Variants in IL7 observed in about 807,000 individuals in gnomAD.
The protein encoded by IL7 is interleukin 7.
IL7 carries 3 observed loss-of-function variants against 21.6 expected under a neutral mutation model. The ratio of observed to expected loss-of-function variants is 0.14; its 90% CI spans 0.06 to 0.36. The LOEUF (loss-of-function observed/expected upper bound fraction) is 0.36, where lower values mean the gene tolerates loss of function less well. Among genes scored for constraint, IL7 ranks in the 10% least tolerant of loss-of-function variants. The probability of loss-of-function intolerance (pLI) is 1.00; values close to 1 mark genes in which losing one functional copy is unlikely to be tolerated. For missense variants in IL7, 175 were observed against 200.2 expected, an observed-to-expected ratio of 0.87 and a Z score of 0.76; for synonymous variants, 62 against 68.1, an observed-to-expected ratio of 0.91 and a Z score of 0.44.
At chr8:78,790,687 A>G (rs1376155647) in intron 2 of IL7, among the ~76,000 whole-genome samples, 3 of 152,126 alleles carry the variant, frequency 2.0e-5, no homozygotes, top group Non-Finnish European at 2.9e-5. Context: ...ATTTTAAAAT[A>G]AAGAAAAAAT....
intron 3 of IL7, among the ~76,000 whole-genome samples, chr8:78,694,307 A>G (rs1336120194): frequency 1.4e-5 from 2 of 147,074 alleles, no homozygotes; most frequent in South Asian, 2.1e-4. Context: ...TTTCTCATTC[A>G]GTTTCCTTAT....
chr8:78,690,119 G>A (rs1301851295), intron 3 of IL7, among the ~76,000 whole-genome samples: 1 of 152,142 alleles, frequency 6.6e-6, no homozygotes, highest in Non-Finnish European at 1.5e-5. Flanking sequence ...ATAAATGTAT[G>A]GGTTTATTTC....
At chr8:78,792,957 A>G (rs531598235) in intron 2 of IL7, among the ~76,000 whole-genome samples, 49 of 152,306 alleles carry the variant, frequency 3.2e-4, no homozygotes, top group Non-Finnish European at 6.3e-4. Flanking sequence ...TTGCATAGCC[A>G]AACAATGGAA....
intron 3 of IL7, chr8:78,689,154 C>T: frequency 8.2e-7 from 1 of 1,215,958 alleles, no homozygotes. Context: ...TGCATAGAAA[C>T]TTAAGATTTT....
At chr8:78,757,576 A>G (rs1292022643) in intron 2 of IL7, among the ~76,000 whole-genome samples, 1 of 151,922 alleles carries the variant, frequency 6.6e-6, no homozygotes, top group Non-Finnish European at 1.5e-5. Context: ...TCCAGTGTTG[A>G]GTCCATATAT....
intron 4 of IL7, among the ~76,000 whole-genome samples, chr8:78,737,229 C>T (rs1002354759): frequency 1.3e-5 from 2 of 151,990 alleles, no homozygotes; most frequent in Non-Finnish European, 2.9e-5. Flanking sequence ...ATCAGTTTTC[C>T]GTTTTACACT....
intron 4 of IL7, among the ~76,000 whole-genome samples, chr8:78,681,484 A>C (rs1809776687): frequency 6.6e-6 from 1 of 152,196 alleles, no homozygotes; most frequent in African/African-American, 2.4e-5. Flanking sequence ...CTGACGTTTA[A>C]GATTTTTGCA....
In IL7 at chr8:78,768,469, G is replaced by C. The variant is rs531552223; in HGVS notation, c.148-28387C>G. Among the ~76,000 whole-genome samples, 823 of 147,842 alleles carry C rather than the reference G, an allele frequency of 5.6e-3. 6 individuals are homozygous for C. Among genetic ancestry groups the C allele is most frequent in the African/African-American group, 0.019 (768 of 40,096 alleles). On this transcript the variant is annotated intron_variant, in intron 2 of 5. Coordinates refer to ENST00000263851, the MANE Select transcript of IL7 (RefSeq NM_000880.4). ...CTTTTTAATGATTGCCATTCTAACTGGTGTGAGATGGTATCTCATTGTGGT... is the reference window on the plus strand; with the variant it reads ...CTTTTTAATGATTGCCATTCTAACTCGTGTGAGATGGTATCTCATTGTGGT...
chr8:78,681,554 G>A (rs555332030), intron 4 of IL7, among the ~76,000 whole-genome samples: 102 of 152,132 alleles, frequency 6.7e-4, no homozygotes, highest in Non-Finnish European at 1.3e-3. Context: ...TGCTGCTCTC[G>A]GAACACTGTT....
At chr8:78,783,926 G>A (rs1813425220) in intron 2 of IL7, among the ~76,000 whole-genome samples, 1 of 152,134 alleles carries the variant, frequency 6.6e-6, no homozygotes, top group African/African-American at 2.4e-5. Flanking sequence ...AACACCACCT[G>A]GTTAAGCAAA....
chr8:78,715,400 C>T, downstream of IL7: 4 of 1,345,744 alleles, frequency 3.0e-6, no homozygotes, highest in South Asian at 4.3e-5. Flanking sequence ...GGACCATACA[C>T]AAAAGTAAGT....
chr8:78,788,682 G>GA (rs1338994368), intron 2 of IL7, among the ~76,000 whole-genome samples: 1 of 152,112 alleles, frequency 6.6e-6, no homozygotes, highest in East Asian at 1.9e-4. Context: ...GTGAGTCTGA[G>GA]AAAAATGTGT....
chr8:78,766,684 G>C (rs1812763428), intron 2 of IL7, among the ~76,000 whole-genome samples: 1 of 152,058 alleles, frequency 6.6e-6, no homozygotes, highest in South Asian at 2.1e-4. Context: ...TCCACATTAA[G>C]TGTGTTCCAC....
intron 2 of IL7, among the ~76,000 whole-genome samples, chr8:78,792,221 C>A (rs546056190): frequency 6.6e-5 from 10 of 152,178 alleles, no homozygotes; most frequent in African/African-American, 2.2e-4. Context: ...GCAGGAACAA[C>A]TGTATAGCCA....
chr8:78,786,459 T>A (rs930900534), intron 2 of IL7, among the ~76,000 whole-genome samples: 2 of 152,062 alleles, frequency 1.3e-5, no homozygotes, highest in African/African-American at 4.8e-5. Context: ...GAGCCATGAG[T>A]GAATGTGAAG....
At chr8:78,758,528 A>G (rs1355231143) in intron 2 of IL7, among the ~76,000 whole-genome samples, 1 of 151,924 alleles carries the variant, frequency 6.6e-6, no homozygotes, top group Non-Finnish European at 1.5e-5. Flanking sequence ...CATTTATTGT[A>G]TGGTTGATCT....
chr8:78,771,788 G>A (rs753822342), intron 2 of IL7, among the ~76,000 whole-genome samples: 21 of 152,072 alleles, frequency 1.4e-4, no homozygotes, highest in Non-Finnish European at 2.9e-4. Context: ...CTAATACCCT[G>A]TGCCAGGCCG....
intron 3 of IL7, among the ~76,000 whole-genome samples, chr8:78,726,710 C>A (rs1476883187): frequency 6.6e-6 from 1 of 151,898 alleles, no homozygotes; most frequent in East Asian, 1.9e-4. Context: ...CCTCCCCCAC[C>A]TGAGTGTAAA....
At chr8:78,767,898 T>C (rs1440929338) in intron 2 of IL7, among the ~76,000 whole-genome samples, 1 of 152,104 alleles carries the variant, frequency 6.6e-6, no homozygotes, top group Non-Finnish European at 1.5e-5. Context: ...ATTTGGTATA[T>C]CTCCTAAAGC....
Sources: allele counts gnomAD v4.1 joint callset (sites outside exome capture counted in the v4.1 genomes callset), GRCh38; gene constraint gnomAD v4.1.1; transcripts MANE v1.5; gene names NCBI Gene and HGNC (gene_info 2026-07-23, HGNC 2026-07-21).